The following TOR1AIP1 variants were observed in gnomAD, a reference collection of about 807,000 sequenced individuals.
The protein encoded by TOR1AIP1 is torsin 1A interacting protein 1.
Under a neutral mutation model 63.3 loss-of-function variants are expected in TOR1AIP1, and 54 were observed. The ratio of observed to expected loss-of-function variants is 0.85; its 90% CI spans 0.69 to 1.07. The LOEUF (loss-of-function observed/expected upper bound fraction) is 1.07, where lower values mean the gene tolerates loss of function less well. Ranked by LOEUF, TOR1AIP1 falls within the 50% of genes least tolerant of loss-of-function variation. The pLI is 0.00. For synonymous variants in TOR1AIP1, 294 were observed against 273.5 expected (o/e 1.07, Z -0.74); for missense variants, 736 against 715.0 (o/e 1.03, Z -0.33).
At chr1:179,901,452 G>T (rs2148477088) in intron 5 of TOR1AIP1, 64 bp downstream of exon 5, 3 of 1,072,340 alleles carry the variant, frequency 2.8e-6, no homozygotes, top group Non-Finnish European at 3.8e-6. Flanking sequence ...CCATGAATTT[G>T]CTTTTTAAAA....
chr1:179,903,400 A>G (rs1174456437), intron 5 of TOR1AIP1, among the ~76,000 whole-genome samples: 2 of 152,200 alleles, frequency 1.3e-5, no homozygotes, highest in East Asian at 3.8e-4. Context: ...CCGCAACTCA[A>G]AGGTTTTATT....
At chr1:179,914,752 C>T (rs972636130) in intron 9 of TOR1AIP1, among the ~76,000 whole-genome samples, 1 of 151,532 alleles carries the variant, frequency 6.6e-6, no homozygotes, top group African/African-American at 2.4e-5. Flanking sequence ...CGAGATTGTG[C>T]CACTGCACTC....
At chr1:179,912,466 A>G (rs1461603246) in intron 8 of TOR1AIP1, among the ~76,000 whole-genome samples, 1 of 152,214 alleles carries the variant, frequency 6.6e-6, no homozygotes, top group Non-Finnish European at 1.5e-5. Context: ...TATATGAATT[A>G]TATAAATATT....
chr1:179,916,705 T>TTC (rs1445456508), intron 9 of TOR1AIP1, among the ~76,000 whole-genome samples: 4 of 138,238 alleles, frequency 2.9e-5, no homozygotes, highest in Non-Finnish European at 6.3e-5. Context: ...CTTTTCTTTT[T>TTC]TTTTTTTTTT....
In TOR1AIP1 at chr1:179,918,245, G is replaced by A; in HGVS notation, c.*6G>A. 1.3e-6 allele frequency: 2 copies of A among 1,566,504 alleles called. No individual in the cohort carries two copies. Among genetic ancestry groups the A allele is most frequent in the Non-Finnish European group, 8.6e-7 (1 of 1,166,516 alleles). On this transcript the variant is annotated 3_prime_UTR_variant, in exon 10 of 10. Transcript: ENST00000606911. ...AAAGGGGCATCTGCTTATAAGAAGTGAGAGAGAAGAAAAATCATGTCCCAA... is the reference window on the plus strand; with the variant it reads ...AAAGGGGCATCTGCTTATAAGAAGTAAGAGAGAAGAAAAATCATGTCCCAA...
At chr1:179,904,108 C>T (rs563033591) in intron 6 of TOR1AIP1, 86 bp downstream of exon 6, 78 of 1,003,114 alleles carry the variant, frequency 7.8e-5, no homozygotes, top group African/African-American at 6.7e-4. Context: ...TGAAATTTAA[C>T]GTAAATATTG....
rs1648915293 is a variant in TOR1AIP1 at position 179,914,025 on chromosome 1, G to A, written c.935G>A (p.Gly312Glu). 8 of 1,613,926 alleles carry A rather than the reference G, an allele frequency of 5.0e-6. No individual in the cohort carries two copies. In the East Asian group the frequency reaches 1.6e-4, roughly 31 times the overall value. Reference sequence around the variant, plus strand: ...GACAGCATTCTGAAATCAGAGCTTGGAAACCAGTCACCATCAACCTCCAGC... The same window carrying A: ...GACAGCATTCTGAAATCAGAGCTTGAAAACCAGTCACCATCAACCTCCAGC... The part of the protein sequence containing the change: ...QNDSILKSEL[G>E]NQSPSTSSRQ... Residue 312 changes from glycine to glutamate, a missense_variant, in exon 9 of 10, where the codon GGA (glycine) becomes GAA (glutamate). By Grantham distance (98) the Gly-to-Glu change is moderately conservative. Transcript: ENST00000606911.
chr1:179,909,927 C>G (rs1381013267), intron 8 of TOR1AIP1, among the ~76,000 whole-genome samples: 1 of 152,114 alleles, frequency 6.6e-6, no homozygotes, highest in Non-Finnish European at 1.5e-5. Flanking sequence ...CCATGCCCAG[C>G]TAATATTTGT....
chr1:179,889,717 C>T lies in TOR1AIP1; in HGVS notation c.610+348C>T, dbSNP rs370910954. Among the ~76,000 whole-genome samples, 3 of 151,244 alleles carry T rather than the reference C, an allele frequency of 2.0e-5. No homozygotes were observed. The South Asian group carries it at 6.3e-4, about 32-fold the overall frequency. ...TCATCCAGGCTGGAGTGCAGTGGCACAACCAGGGCTGACTGCAGTCTCAAT... is the reference window on the plus strand; with the variant it reads ...TCATCCAGGCTGGAGTGCAGTGGCATAACCAGGGCTGACTGCAGTCTCAAT... On this transcript the variant is annotated intron_variant, in intron 3 of 9. Coordinates refer to ENST00000606911, the MANE Select transcript of TOR1AIP1 (RefSeq NM_015602.4).
At position 179,919,525 on chromosome 1, in the gene TOR1AIP1, T is replaced by A. The variant is rs1166285234; in HGVS notation, c.*1286T>A. The A allele has an allele frequency of 6.6e-6, 1 of 152,240 alleles. No individual in the cohort carries two copies. The highest frequency in any genetic ancestry group is 1.5e-5 in the Non-Finnish European group (1 of 68,036). The allele number at this position is 152,240 out of a possible 1,614,324, so 9.4% of individuals were successfully genotyped here. On this transcript the variant is annotated 3_prime_UTR_variant, in exon 10 of 10. Coordinates refer to ENST00000606911, the MANE Select transcript of TOR1AIP1 (RefSeq NM_015602.4). Reference sequence around the variant, plus strand: ...GCCTCAAGCCAAGATAGTGAATTTATATGAAGGGTGTGAAATGTATTTCTT... The same window carrying A: ...GCCTCAAGCCAAGATAGTGAATTTAAATGAAGGGTGTGAAATGTATTTCTT...
At chr1:179,889,019 A>C (rs551820758) in intron 2 of TOR1AIP1, among the ~76,000 whole-genome samples, 2 of 152,338 alleles carry the variant, frequency 1.3e-5, no homozygotes, top group Admixed American at 1.3e-4. Flanking sequence ...TTAATTGAGC[A>C]ATTTAGAAGA....
At chr1:179,911,983 C>CT (rs199753076) in intron 8 of TOR1AIP1, among the ~76,000 whole-genome samples, 13 of 116,696 alleles carry the variant, frequency 1.1e-4, no homozygotes, top group Non-Finnish European at 2.1e-4. Flanking sequence ...TTCTTTTTTT[C>CT]TTTTTTTTTT....
rs1398006889 is a variant in TOR1AIP1 at position 179,913,154 on chromosome 1, G to A, written c.908-844G>A. Among the ~76,000 whole-genome samples the A allele has an allele frequency of 9.6e-4, 144 of 150,516 alleles. 1 individual carries two copies. The highest frequency in any genetic ancestry group is 2.9e-3 in the African/African-American group (121 of 41,030). ...ATTTTTTTTTTTTTTTTTAGAGATG[G>A]GGTCTCACAATGTTGCCCAGGCTGG... is the stretch of plus-strand genomic sequence containing the variant. On this transcript the variant is annotated intron_variant, in intron 8 of 9. Coordinates refer to ENST00000606911, the MANE Select transcript of TOR1AIP1 (RefSeq NM_015602.4).
intron 8 of TOR1AIP1, among the ~76,000 whole-genome samples, chr1:179,910,212 C>G (rs2148481114): frequency 6.6e-6 from 1 of 152,236 alleles, no homozygotes; most frequent in East Asian, 1.9e-4. Flanking sequence ...TTTTTAAAGT[C>G]CATGCATATT....
At chr1:179,890,593 G>A (rs1202509757) in intron 3 of TOR1AIP1, among the ~76,000 whole-genome samples, 2 of 151,996 alleles carry the variant, frequency 1.3e-5, no homozygotes, top group African/African-American at 4.8e-5. Flanking sequence ...AATTATGTTC[G>A]TTTATTTCTA....
intron 3 of TOR1AIP1, among the ~76,000 whole-genome samples, chr1:179,897,866 G>A (rs541403023): frequency 9.2e-5 from 14 of 152,278 alleles, no homozygotes; most frequent in African/African-American, 2.9e-4. Context: ...GGGAGGCTGA[G>A]GCAGGCAGAT....
At position 179,917,990 on chromosome 1, in the gene TOR1AIP1, G is replaced by A. The variant is rs627897; in HGVS notation, c.1503G>A (p.Ala501=). ...ACAAATATTGTGACCATGAAAACGC[G>A]GCCTTCAAAGATGTAGCCTTAGTCC... is the stretch of plus-strand genomic sequence containing the variant. ...IFYKYCDHEN[A]AFKDVALVLT... The change falls in exon 10 of 10, where the codon GCG becomes GCA. Residue 501 remains alanine (A), a synonymous_variant. Transcript: ENST00000606911. 0.95 allele frequency: 1,533,429 copies of A among 1,614,166 alleles called. 728,840 individuals are homozygous for A. The highest frequency in any genetic ancestry group is 0.96 in the Admixed American group (57,468 of 60,014).
In TOR1AIP1 at chr1:179,882,522, G is replaced by T; in HGVS notation, c.20G>T (p.Arg7Leu). The T allele has an allele frequency of 6.9e-7, 1 of 1,458,764 alleles. No homozygotes were observed. Among genetic ancestry groups the T allele is most frequent in the South Asian group, 1.5e-5 (1 of 68,130 alleles). The allele number at this position is 1,458,764 out of a possible 1,614,324, so 90.4% of individuals were successfully genotyped here. A position where few individuals can be genotyped will look rare whatever the true frequency, so the allele number is the denominator to read the frequency against. MAGDGR[R>L]AEAVREGWGV... ...ACAACTATGGCGGGCGACGGGCGGC[G>T]GGCAGAGGCGGTGCGGGAAGGATGG... Residue 7 changes from arginine to leucine, a missense_variant, in exon 1 of 10, where the codon CGG (arginine) becomes CTG (leucine). Arg to Leu is a moderately radical substitution (Grantham distance 102). Transcript: ENST00000606911.
At chr1:179,905,309 G>A (rs114584264) in intron 6 of TOR1AIP1, among the ~76,000 whole-genome samples, 2 of 152,086 alleles carry the variant, frequency 1.3e-5, no homozygotes, top group Admixed American at 1.3e-4. Context: ...TGAGGGGGCA[G>A]TGCGGAGCTT....
Sources: allele counts gnomAD v4.1 joint callset (sites outside exome capture counted in the v4.1 genomes callset), GRCh38; gene constraint gnomAD v4.1.1; transcripts MANE v1.5; gene names NCBI Gene and HGNC (gene_info 2026-07-23, HGNC 2026-07-21).